Variants in YWHAE observed in about 807,000 individuals in gnomAD.
YWHAE encodes tyrosine 3-monooxygenase/tryptophan 5-monooxygenase activation protein epsilon, also known as 14-3-3 protein epsilon.
YWHAE carries 4 observed loss-of-function variants against 30.1 expected under a neutral mutation model. The observed-to-expected ratio is 0.13, with a 90% CI of 0.07 to 0.30. The LOEUF is 0.30. Ranked by LOEUF, YWHAE falls within the 10% of genes least tolerant of loss-of-function variation. The probability of loss-of-function intolerance (pLI) is 1.00; values close to 1 mark genes in which losing one functional copy is unlikely to be tolerated. For synonymous variants in YWHAE, 118 were observed against 111.8 expected (o/e 1.06, Z -0.35); for missense variants, 121 against 315.9 (o/e 0.38, Z 4.68).
At chr17:1,386,381 G>A (rs1408818941) in intron 1 of YWHAE, among the ~76,000 whole-genome samples, 5 of 152,112 alleles carry the variant, frequency 3.3e-5, no homozygotes, top group Admixed American at 1.3e-4. Flanking sequence ...GAGTAACTCC[G>A]AAAGCAATCA....
intron 1 of YWHAE, among the ~76,000 whole-genome samples, chr17:1,373,932 G>A (rs1413649597): frequency 1.3e-5 from 2 of 152,106 alleles, no homozygotes; most frequent in East Asian, 3.9e-4. Flanking sequence ...GGCTGTGACT[G>A]GCTTCTTTCC....
At chr17:1,348,943 G>A (rs962718268) in intron 5 of YWHAE, among the ~76,000 whole-genome samples, 1 of 151,748 alleles carries the variant, frequency 6.6e-6, no homozygotes, top group Non-Finnish European at 1.5e-5. Context: ...GGAGAATGGC[G>A]TGAACCCGGG....
Position 1,345,202 on chromosome 17 carries a change from C to CT in YWHAE, c.*244dup. ...ATGCTGAAAAAGCCTCTATGTAGTC[C>CT]TGTTAGTGTCTTAAAGAACCTAAAA... On this transcript the variant is annotated 3_prime_UTR_variant, in exon 6 of 6. Transcript: ENST00000264335. 1.8e-6 allele frequency: 1 copy of CT among 553,462 alleles called. No homozygotes were observed. The highest frequency in any genetic ancestry group is 3.4e-5 in the Admixed American group (1 of 29,578). The allele number at this position is 553,462 out of a possible 1,614,324, so 34.3% of individuals were successfully genotyped here.
chr17:1,360,921 T>C (rs1437237740), intron 4 of YWHAE, among the ~76,000 whole-genome samples, 171 bp downstream of exon 4: 2 of 152,156 alleles, frequency 1.3e-5, no homozygotes, highest in African/African-American at 2.4e-5. Context: ...GCTATGCTAG[T>C]GGGTTGAGAC....
At chr17:1,384,503 A>C (rs2073269800) in intron 1 of YWHAE, among the ~76,000 whole-genome samples, 1 of 146,412 alleles carries the variant, frequency 6.8e-6, no homozygotes, top group Non-Finnish European at 1.5e-5. Flanking sequence ...CATCCTGGCT[A>C]ACACGGTGAA....
chr17:1,398,435 CCTTGT>C (rs1232967029), intron 1 of YWHAE, among the ~76,000 whole-genome samples: 2 of 150,256 alleles, frequency 1.3e-5, no homozygotes, highest in East Asian at 4.0e-4. Flanking sequence ...GTTCTAGAGG[CCTTGT>C]CTTATTTTCA....
intron 4 of YWHAE, among the ~76,000 whole-genome samples, chr17:1,358,480 C>G (rs1293996926): frequency 6.6e-6 from 1 of 151,846 alleles, no homozygotes; most frequent in African/African-American, 2.4e-5. Flanking sequence ...ACCTCGTGAT[C>G]TGCCCTCCTC....
intron 5 of YWHAE, among the ~76,000 whole-genome samples, chr17:1,348,929 G>C (rs2072571260): frequency 6.6e-6 from 1 of 151,542 alleles, no homozygotes; most frequent in Non-Finnish European, 1.5e-5. Flanking sequence ...GGAAGGCTGA[G>C]ACAGGAGAAT....
chr17:1,367,905 G>T (rs948496808), intron 1 of YWHAE, among the ~76,000 whole-genome samples: 1 of 152,130 alleles, frequency 6.6e-6, no homozygotes, highest in African/African-American at 2.4e-5. Flanking sequence ...AAAGTGGCAC[G>T]TTTAACTGTA....
chr17:1,350,680 G>A (rs1427524225), intron 5 of YWHAE, among the ~76,000 whole-genome samples: 1 of 151,846 alleles, frequency 6.6e-6, no homozygotes, highest in Non-Finnish European at 1.5e-5. Context: ...GACCTCAGGT[G>A]ATCCGTCCAC....
At chr17:1,355,060 C>G (rs192643416) in intron 4 of YWHAE, among the ~76,000 whole-genome samples, 2 of 112,508 alleles carry the variant, frequency 1.8e-5, no homozygotes, top group African/African-American at 6.9e-5. Flanking sequence ...TCTTCCGAAC[C>G]TTAGCCTCTT....
chr17:1,369,176 A>G (rs766623392), intron 1 of YWHAE, among the ~76,000 whole-genome samples: 3 of 152,158 alleles, frequency 2.0e-5, no homozygotes, highest in South Asian at 2.1e-4. Context: ...TTATTTATAT[A>G]TAATTCCCCT....
At chr17:1,374,003 T>A (rs1267896614) in intron 1 of YWHAE, among the ~76,000 whole-genome samples, 2 of 152,156 alleles carry the variant, frequency 1.3e-5, no homozygotes, top group African/African-American at 4.8e-5. Context: ...ACCTACTGTA[T>A]GGATATACTA....
At chr17:1,366,350 G>C (rs886076626) in intron 1 of YWHAE, among the ~76,000 whole-genome samples, 12 of 152,244 alleles carry the variant, frequency 7.9e-5, no homozygotes, top group African/African-American at 2.6e-4. Context: ...GGCCAGCCTG[G>C]CCAACGTGGT....
chr17:1,363,652 C>A (rs1331828075), intron 2 of YWHAE, among the ~76,000 whole-genome samples: 2 of 152,180 alleles, frequency 1.3e-5, no homozygotes, highest in African/African-American at 4.8e-5. Context: ...ATACCTCCCC[C>A]TTCCAGTGCC....
At chr17:1,377,287 A>C (rs2073140879) in intron 1 of YWHAE, among the ~76,000 whole-genome samples, 1 of 152,150 alleles carries the variant, frequency 6.6e-6, no homozygotes, top group Admixed American at 6.5e-5. Flanking sequence ...GTAAAACCCA[A>C]ACTCAAACCC....
rs183997616 is a variant in YWHAE at position 1,345,395 on chromosome 17, G to T, written c.*52C>A. 8,546 of 1,588,604 alleles carry T rather than the reference G, an allele frequency of 5.4e-3. 30 individuals carry two copies. Among genetic ancestry groups the T allele is most frequent in the Non-Finnish European group, 6.7e-3 (7,760 of 1,157,098 alleles). ...TGACAATGGGGAGTTTCCAAAGGGT[G>T]GGATGGGGAGGAGGGGGTGGTCAGA... On this transcript the variant is annotated 3_prime_UTR_variant, in exon 6 of 6. Transcript: ENST00000264335.
intron 1 of YWHAE, among the ~76,000 whole-genome samples, chr17:1,385,975 G>A (rs1410491110): frequency 6.6e-6 from 1 of 152,120 alleles, no homozygotes; most frequent in East Asian, 1.9e-4. Context: ...TTACACACAA[G>A]AAACTCCTTC....
At chr17:1,348,410 T>G (rs1051830414) in intron 5 of YWHAE, among the ~76,000 whole-genome samples, 74 of 152,278 alleles carry the variant, frequency 4.9e-4, no homozygotes, top group African/African-American at 1.6e-3. Flanking sequence ...TTAAAGAAAT[T>G]ATGTTCCAAC....
Sources: allele counts gnomAD v4.1 joint callset (sites outside exome capture counted in the v4.1 genomes callset), GRCh38; gene constraint gnomAD v4.1.1; transcripts MANE v1.5; gene names NCBI Gene and HGNC (gene_info 2026-07-23, HGNC 2026-07-21).